Variants in SYNPO2 observed in about 807,000 individuals in gnomAD.
SYNPO2 encodes the protein synaptopodin-2.
Under a neutral mutation model 85.0 loss-of-function variants are expected in SYNPO2, and 56 were observed. The ratio of observed to expected loss-of-function variants is 0.66; its 90% confidence interval spans 0.53 to 0.82. The LOEUF (loss-of-function observed/expected upper bound fraction) is 0.82, where lower values mean the gene tolerates loss of function less well. SYNPO2 is among the 40% of genes least tolerant of loss of function. The pLI is 0.00. For synonymous variants in SYNPO2, 602 were observed against 591.1 expected, an observed-to-expected ratio of 1.02 and a Z score of -0.27; for missense variants, 1,575 against 1,534.2, an observed-to-expected ratio of 1.03 and a Z score of -0.44.
intron 1 of SYNPO2, among the ~76,000 whole-genome samples, chr4:119,021,487 A>G (rs1290383241): frequency 6.6e-6 from 1 of 152,328 alleles, no homozygotes; most frequent in Admixed American, 6.5e-5. Context: ...CTTGGTAGAA[A>G]AAAATCTAGA....
intron 1 of SYNPO2, among the ~76,000 whole-genome samples, chr4:118,912,863 G>T (rs183167518): frequency 1.2e-4 from 18 of 152,136 alleles, no homozygotes; most frequent in African/African-American, 4.3e-4. Flanking sequence ...ACAGAAAAAC[G>T]TTTAGCTAAA....
chr4:119,011,277 G>T (rs1394045426), intron 1 of SYNPO2, among the ~76,000 whole-genome samples: 2 of 152,192 alleles, frequency 1.3e-5, no homozygotes, highest in Non-Finnish European at 2.9e-5. Flanking sequence ...CTCTGCTCCA[G>T]CGCCTCACTC....
At chr4:118,903,929 G>A (rs906542247) in intron 1 of SYNPO2, among the ~76,000 whole-genome samples, 1 of 152,092 alleles carries the variant, frequency 6.6e-6, no homozygotes, top group Admixed American at 6.5e-5. Context: ...TGTTGGCCAA[G>A]ATGGTCTTGA....
At chr4:119,033,572 G>T in intron 4 of SYNPO2, 1 of 985,414 alleles carries the variant, frequency 1.0e-6, no homozygotes, top group South Asian at 4.7e-5. Flanking sequence ...ACTCTATGCA[G>T]GAGATATGTT....
intron 1 of SYNPO2, among the ~76,000 whole-genome samples, chr4:118,976,099 G>A (rs1314204572): frequency 1.3e-5 from 2 of 152,178 alleles, no homozygotes; most frequent in Non-Finnish European, 2.9e-5. Context: ...TGGGTTCTTG[G>A]TCTCACTGAC....
chr4:118,886,391 C>A (rs888822417), upstream of SYNPO2, among the ~76,000 whole-genome samples: 1 of 152,124 alleles, frequency 6.6e-6, no homozygotes, highest in African/African-American at 2.4e-5. Flanking sequence ...TCGTAATGCT[C>A]TCCCTCCCTT....
chr4:118,908,432 A>G (rs961651586), intron 1 of SYNPO2, among the ~76,000 whole-genome samples: 3 of 152,190 alleles, frequency 2.0e-5, no homozygotes, highest in Admixed American at 2.0e-4. Context: ...GTGATTTGGT[A>G]CTTTAAAAAT....
At chr4:118,997,855 C>G (rs915204671) in intron 1 of SYNPO2, among the ~76,000 whole-genome samples, 2 of 152,214 alleles carry the variant, frequency 1.3e-5, no homozygotes, top group African/African-American at 2.4e-5. Context: ...GTTCTGTGCT[C>G]AGTCCACTTA....
chr4:118,879,125 C>G (rs929679699), intron 1 of SYNPO2, among the ~76,000 whole-genome samples: 1 of 152,146 alleles, frequency 6.6e-6, no homozygotes, highest in Non-Finnish European at 1.5e-5. Flanking sequence ...CAGAACTCGC[C>G]AGAAGGAAGA....
intron 1 of SYNPO2, among the ~76,000 whole-genome samples, chr4:118,910,438 A>C (rs1287999069): frequency 6.6e-6 from 1 of 152,214 alleles, no homozygotes. Context: ...ACAGCTTTCA[A>C]AATTCCCTTA....
rs141002177 is a variant in SYNPO2 at position 119,027,349 on chromosome 4, C to T, written c.980C>T (p.Ala327Val). 6.2e-7 allele frequency: 1 copy of T among 1,613,962 alleles called. No homozygotes were observed. Among genetic ancestry groups the T allele is most frequent in the Admixed American group, 1.7e-5 (1 of 60,016 alleles). ...SEAPPSLVSFAVSSEGTEQGE... is the reference protein window; with the variant it reads ...SEAPPSLVSFVVSSEGTEQGE... ...GCACCTCCTTCTCTGGTATCCTTTG[C>T]CGTCTCATCAGAAGGCACAGAGCAG... The change falls in exon 3 of 5, where the codon GCC becomes GTC. Residue 327 changes from alanine to valine, a missense_variant. Ala to Val is a moderately conservative substitution (Grantham distance 64). Transcript: ENST00000307142.
intron 1 of SYNPO2, among the ~76,000 whole-genome samples, chr4:118,988,830 C>G (rs990845085): frequency 9.9e-5 from 15 of 152,166 alleles, no homozygotes; most frequent in African/African-American, 3.4e-4. Context: ...GGAGCCTCCA[C>G]AGGAAACATG....
intron 4 of SYNPO2, chr4:119,042,245 CA>C (rs1375193367): frequency 6.9e-6 from 1 of 145,740 alleles, no homozygotes; most frequent in Non-Finnish European, 1.5e-5. Context: ...TTAAAAAAGA[CA>C]AAAGACTAAA....
At chr4:119,037,295 T>C (rs1056193866) in intron 4 of SYNPO2, 1 of 1,301,250 alleles carries the variant, frequency 7.7e-7, no homozygotes, top group South Asian at 2.6e-5. Context: ...GGTTTGTTCA[T>C]GAAAAAAAAT....
intron 1 of SYNPO2, among the ~76,000 whole-genome samples, chr4:118,859,190 G>A (rs17325192): frequency 0.041 from 6,282 of 152,176 alleles, 199 homozygotes; most frequent in Non-Finnish European, 0.064. Context: ...CCTTTGTGTC[G>A]ACTAGAGGAA....
chr4:118,989,166 G>A (rs756621174), intron 1 of SYNPO2, among the ~76,000 whole-genome samples: 2 of 152,146 alleles, frequency 1.3e-5, no homozygotes, highest in African/African-American at 2.4e-5. Context: ...GCTTGGTTCC[G>A]GCTGCACTCA....
Position 119,061,166 on chromosome 4 carries a change from G to C in SYNPO2, c.*3232G>C, listed in dbSNP as rs529931854. ...TAAATAGATTAACATTTCCACTTCT[G>C]TTTATCACAAAAGACTGTATTTGAA... is the stretch of plus-strand genomic sequence containing the variant. On this transcript the variant is annotated 3_prime_UTR_variant, in exon 5 of 5. Coordinates refer to ENST00000307142, the MANE Select transcript of SYNPO2 (RefSeq NM_133477.3). 6.6e-6 allele frequency: 1 copy of C among 151,960 alleles called. No individual in the cohort carries two copies. Among genetic ancestry groups the C allele is most frequent in the Non-Finnish European group, 1.5e-5 (1 of 67,984 alleles). The allele number at this position is 151,960 out of a possible 1,614,324, so 9.4% of individuals were successfully genotyped here.
intron 1 of SYNPO2, among the ~76,000 whole-genome samples, chr4:118,988,435 A>G (rs1343465707): frequency 1.3e-5 from 2 of 152,124 alleles, no homozygotes; most frequent in Admixed American, 1.3e-4. Flanking sequence ...TCCTAACACA[A>G]CCTTATACAG....
intron 1 of SYNPO2, among the ~76,000 whole-genome samples, chr4:118,973,067 T>C (rs1225471756): frequency 2.6e-5 from 4 of 152,156 alleles, no homozygotes; most frequent in Non-Finnish European, 5.9e-5. Context: ...ATTTTTTGAT[T>C]TATGATGGGT....
Sources: allele counts gnomAD v4.1 joint callset (sites outside exome capture counted in the v4.1 genomes callset), GRCh38; gene constraint gnomAD v4.1.1; transcripts MANE v1.5; gene names NCBI Gene and HGNC (gene_info 2026-07-23, HGNC 2026-07-21).